Variants in UTP6 observed in about 807,000 individuals in gnomAD.
UTP6 encodes UTP6 small subunit processome component, also known as U3 small nucleolar RNA-associated protein 6 homolog.
In UTP6, 60 loss-of-function variants were observed where a neutral mutation model predicts 96.5. The observed-to-expected ratio is 0.62, with a 90% confidence interval of 0.51 to 0.77. The LOEUF is 0.77. Among genes scored for constraint, UTP6 ranks in the 30% least tolerant of loss-of-function variants. The pLI, the probability that UTP6 is intolerant of heterozygous loss-of-function variation, is 0.00. For missense variants in UTP6, 637 were observed against 706.5 expected, an observed-to-expected ratio of 0.90 and a Z score of 1.12; for synonymous variants, 215 against 240.1, an observed-to-expected ratio of 0.90 and a Z score of 0.96.
Position 31,899,648 on chromosome 17 carries a change from G to C in UTP6, c.175C>G (p.Gln59Glu). 6.3e-7 allele frequency: 1 copy of C among 1,585,622 alleles called. No homozygotes were observed. Among genetic ancestry groups the C allele is most frequent in the Non-Finnish European group, 8.6e-7 (1 of 1,169,390 alleles). The change falls in exon 2 of 19, where the codon CAA becomes GAA. Residue 59 changes from glutamine (Q) to glutamate (E), a missense_variant and splice_region_variant. Coordinates refer to ENST00000261708, the MANE Select transcript of UTP6 (RefSeq NM_018428.3). ...GAAATTATTAATTACACACTTACTT[G>C]AACATAATTGATAAAGTCTTCCTTG... is the stretch of plus-strand genomic sequence containing the variant. Reference protein sequence around the residue: ...LFKEDFINYVQYEINLLELIQ... With the variant: ...LFKEDFINYVEYEINLLELIQ...
intron 14 of UTP6, among the ~76,000 whole-genome samples, chr17:31,874,798 G>A (rs533823077): frequency 4.0e-5 from 6 of 151,882 alleles, no homozygotes; most frequent in Non-Finnish European, 7.4e-5. Flanking sequence ...CAGGTGTGAT[G>A]GCATGCGCCT....
chr17:31,872,210 T>A (rs1419214313), intron 16 of UTP6, among the ~76,000 whole-genome samples: 5 of 151,284 alleles, frequency 3.3e-5, no homozygotes, highest in East Asian at 3.9e-4. Flanking sequence ...AAAAAAGAAA[T>A]TTTTTTTAAA....
At chr17:31,872,586 G>C (rs1027058632) in intron 16 of UTP6, among the ~76,000 whole-genome samples, 1 of 151,190 alleles carries the variant, frequency 6.6e-6, no homozygotes, top group African/African-American at 2.4e-5. Flanking sequence ...TGAGGTGGGC[G>C]GACTGCTTGA....
intron 5 of UTP6, 45 bp from the exon 6 acceptor site, chr17:31,892,368 T>C (rs1904371828): frequency 6.4e-6 from 10 of 1,562,148 alleles, no homozygotes; most frequent in Non-Finnish European, 8.8e-6. Flanking sequence ...AGATAAATCA[T>C]TGATCTTACT....
rs370431094 is a variant in UTP6 at position 31,900,382 on chromosome 17, C to T, written c.93-652G>A. Among the ~76,000 whole-genome samples, 190 of 152,114 alleles carry T rather than the reference C, an allele frequency of 1.2e-3. 1 individual carries two copies. Among genetic ancestry groups the T allele is most frequent in the African/African-American group, 4.1e-3 (172 of 41,502 alleles). The stretch of plus-strand genomic sequence containing the variant: ...TCTTGGCTCACTACAACCTCGGCCT[C>T]CCGAGTTCAAGCGATTCTCCTGCCT... On this transcript the variant is annotated intron_variant, in intron 1 of 18. Coordinates refer to ENST00000261708, the MANE Select transcript of UTP6 (RefSeq NM_018428.3).
At chr17:31,887,585 C>G in intron 7 of UTP6, 2 of 296,472 alleles carry the variant, frequency 6.7e-6, no homozygotes, top group South Asian at 5.5e-5. Context: ...CAACTGACCT[C>G]AAGTGATCCT....
chr17:31,886,970 A>C (rs926151138), intron 8 of UTP6, among the ~76,000 whole-genome samples: 5 of 151,964 alleles, frequency 3.3e-5, no homozygotes, highest in Admixed American at 2.6e-4. Flanking sequence ...CATTTTCCTA[A>C]CTAAGTCCAT....
At chr17:31,870,494 TTTGTTG>T (rs770748105) in intron 16 of UTP6, among the ~76,000 whole-genome samples, 10 of 150,810 alleles carry the variant, frequency 6.6e-5, no homozygotes, top group African/African-American at 2.4e-4. Context: ...GTTTTTTGTT[TTTGTTG>T]TTGTTGTTGT....
At chr17:31,880,451 C>T in intron 11 of UTP6, 122 bp downstream of exon 11, 1 of 1,139,292 alleles carries the variant, frequency 8.8e-7, no homozygotes. Context: ...AGGCCAGGCT[C>T]ATCGTAAACT....
chr17:31,883,616 GA>G (rs1910972680), intron 10 of UTP6, among the ~76,000 whole-genome samples: 1 of 151,530 alleles, frequency 6.6e-6, no homozygotes, highest in Non-Finnish European at 1.5e-5. Flanking sequence ...TGCCTGGCTA[GA>G]TTTTTTTTTT....
intron 11 of UTP6, among the ~76,000 whole-genome samples, chr17:31,879,331 A>G (rs979127552): frequency 5.3e-5 from 8 of 152,108 alleles, no homozygotes; most frequent in African/African-American, 1.9e-4. Flanking sequence ...AAGAGGTTGT[A>G]GTAACCCGAG....
At chr17:31,881,843 G>A (rs1910862886) in intron 10 of UTP6, among the ~76,000 whole-genome samples, 1 of 152,060 alleles carries the variant, frequency 6.6e-6, no homozygotes, top group South Asian at 2.1e-4. Flanking sequence ...ACAAGTGCAT[G>A]CCACCATACC....
chr17:31,863,255 T>A lies in UTP6; in HGVS notation c.*104A>T, dbSNP rs1186723849. The stretch of plus-strand genomic sequence containing the variant: ...AGTGTGTCTCAAAACCAGACAGCCA[T>A]CTTGTCTGCCATCACTGAGCAAATT... On this transcript the variant is annotated 3_prime_UTR_variant, in exon 19 of 19. Transcript: ENST00000261708. 1.7e-5 allele frequency: 20 copies of A among 1,188,098 alleles called. No individual in the cohort carries two copies. Among genetic ancestry groups the A allele is most frequent in the Non-Finnish European group, 2.4e-5 (20 of 836,510 alleles). The allele number at this position is 1,188,098 out of a possible 1,614,324, so 73.6% of individuals were successfully genotyped here.
At chr17:31,879,809 T>C (rs1455152751) in intron 11 of UTP6, among the ~76,000 whole-genome samples, 2 of 151,940 alleles carry the variant, frequency 1.3e-5, no homozygotes, top group African/African-American at 4.8e-5. Context: ...AAGACCAAGT[T>C]AGAAAGCCAG....
At chr17:31,895,678 C>T (rs920398849) in intron 2 of UTP6, among the ~76,000 whole-genome samples, 1 of 151,826 alleles carries the variant, frequency 6.6e-6, no homozygotes, top group East Asian at 1.9e-4. Context: ...GGATTACAGG[C>T]GCCTGCCACC....
intron 16 of UTP6, among the ~76,000 whole-genome samples, chr17:31,871,139 G>A (rs1338363696): frequency 2.0e-5 from 3 of 151,902 alleles, no homozygotes; most frequent in Admixed American, 2.0e-4. Flanking sequence ...ACAGGCGCCT[G>A]CCACCACGCC....
At chr17:31,865,304 T>C in intron 18 of UTP6, 62 bp downstream of exon 18, 1 of 1,551,078 alleles carries the variant, frequency 6.4e-7, no homozygotes, top group South Asian at 1.1e-5. Flanking sequence ...TGAGCCACTG[T>C]ACTCAGCCAA....
chr17:31,887,132 G>GA (rs967334491), intron 8 of UTP6, 104 bp downstream of exon 8: 1,441 of 1,054,946 alleles, frequency 1.4e-3, no homozygotes, highest in Non-Finnish European at 1.5e-3. Context: ...CAAAAAAAAA[G>GA]AAAAAAAAAG....
intron 10 of UTP6, 62 bp from the exon 11 acceptor site, chr17:31,880,816 A>T (rs1910788246): frequency 1.3e-6 from 2 of 1,598,188 alleles, no homozygotes; most frequent in Middle Eastern, 1.9e-4. Flanking sequence ...AATATCAGAG[A>T]AACAGTTACC....
Sources: allele counts gnomAD v4.1 joint callset (sites outside exome capture counted in the v4.1 genomes callset), GRCh38; gene constraint gnomAD v4.1.1; transcripts MANE v1.5; gene names NCBI Gene and HGNC (gene_info 2026-07-23, HGNC 2026-07-21).